Variants in ISL1 observed in about 807,000 individuals in gnomAD.
ISL1 encodes insulin gene enhancer protein ISL-1.
A neutral mutation model predicts 35.3 loss-of-function variants in ISL1; 4 were observed. The ratio of observed to expected loss-of-function variants is 0.11; its 90% confidence interval spans 0.06 to 0.26. The LOEUF (loss-of-function observed/expected upper bound fraction) is 0.26. Ranked by LOEUF, ISL1 falls within the 10% of genes least tolerant of loss-of-function variation. The probability of loss-of-function intolerance (pLI) is 1.00; values close to 1 mark genes in which losing one functional copy is unlikely to be tolerated. For missense variants in ISL1, 340 were observed against 472.8 expected, an observed-to-expected ratio of 0.72 and a Z score of 2.60; for synonymous variants, 186 against 172.3, an observed-to-expected ratio of 1.08 and a Z score of -0.62.
At chr5:51,392,334 C>T (rs1379774111) in intron 5 of ISL1, among the ~76,000 whole-genome samples, 1 of 152,040 alleles carries the variant, frequency 6.6e-6, no homozygotes, top group Non-Finnish European at 1.5e-5. Context: ...AGTAATCAGC[C>T]TTATAGAATC....
Position 51,383,531 on chromosome 5 carries a change from GCCGAGC to G in ISL1, c.-140_-135del. The G allele has an allele frequency of 1.3e-6, 1 of 788,384 alleles. No individual in the cohort carries two copies. Among genetic ancestry groups the G allele is most frequent in the South Asian group, 1.4e-5 (1 of 71,514 alleles). 48.8% of individuals were successfully genotyped at this position (788,384 alleles called of 1,614,324 possible). A position where few individuals can be genotyped will look rare whatever the true frequency, so the allele number is the denominator to read the frequency against. On this transcript the variant is annotated 5_prime_UTR_variant, in exon 1 of 6. Coordinates refer to ENST00000230658, the MANE Select transcript of ISL1 (RefSeq NM_002202.3). Reference sequence around the variant, plus strand: ...CCTAGATCCGCGAGGGCGCGGCGCAGCCGAGCAGCGGCTCTTTCAGCATTGGCAACC... The same window carrying G: ...CCTAGATCCGCGAGGGCGCGGCGCAGAGCGGCTCTTTCAGCATTGGCAACC...
chr5:51,383,899 T>C (rs1747274370), intron 1 of ISL1, among the ~76,000 whole-genome samples, 200 bp downstream of exon 1: 1 of 152,272 alleles, frequency 6.6e-6, no homozygotes, highest in South Asian at 2.1e-4. Context: ...TTGTACCTTG[T>C]GTGTGAATTC....
At chr5:51,390,366 G>T (rs1232139977) in intron 4 of ISL1, among the ~76,000 whole-genome samples, 2 of 152,158 alleles carry the variant, frequency 1.3e-5, no homozygotes, top group Non-Finnish European at 1.5e-5. Context: ...ACATCCAGGG[G>T]TTCCGTGGGC....
Position 51,387,521 on chromosome 5 carries a change from A to T in ISL1, c.250A>T (p.Ile84Phe). Residue 84 changes from isoleucine to phenylalanine, a missense_variant, in exon 3 of 6, where the codon ATC (isoleucine) becomes TTC (phenylalanine). By Grantham distance (21) the Ile-to-Phe change is conservative. Transcript: ENST00000230658. This position sits in a 1 kb window ranked among gnomAD's most constrained non-coding sequence, Gnocchi z 4.3. Reference protein sequence around the residue: ...LYGIKCAKCSIGFSKNDFVMR... With the variant: ...LYGIKCAKCSFGFSKNDFVMR... ...CGGGATCAAATGCGCCAAGTGCAGC[A>T]TCGGCTTCAGCAAGAACGACTTCGT... The T allele has an allele frequency of 1.2e-6, 2 of 1,614,176 alleles. No homozygotes were observed. Among genetic ancestry groups the T allele is most frequent in the East Asian group, 2.2e-5 (1 of 44,870 alleles).
At chr5:51,391,123 A>G in intron 4 of ISL1, 151 bp from the exon 5 acceptor site, 1 of 719,460 alleles carries the variant, frequency 1.4e-6, no homozygotes, top group African/African-American at 1.8e-5. Flanking sequence ...ATTCTAACTA[A>G]TATCCGTAGG....
At chr5:51,391,221 G>A (rs1747505783) in intron 4 of ISL1, 53 bp from the exon 5 acceptor site, 1 of 1,588,628 alleles carries the variant, frequency 6.3e-7, no homozygotes, top group African/African-American at 1.3e-5. Context: ...GACAACGGAG[G>A]GAGGGAATTT....
intron 5 of ISL1, 141 bp downstream of exon 5, chr5:51,391,582 G>A: frequency 1.1e-6 from 1 of 890,326 alleles, no homozygotes; most frequent in East Asian, 2.6e-5. Context: ...GGGTAATGAA[G>A]AGAAGGGAGA....
rs1408087481 is a variant in ISL1 at position 51,383,584 on chromosome 5, T to C, written c.-88T>C. ...AACCCCAGGGGCCAATATTTCCCAC[T>C]TAGCCACAGCTCCAGCATCCTCTCT... On this transcript the variant is annotated 5_prime_UTR_variant, in exon 1 of 6. Transcript: ENST00000230658. 2.6e-6 allele frequency: 3 copies of C among 1,152,920 alleles called. No individual in the cohort carries two copies. Among genetic ancestry groups the C allele is most frequent in the Non-Finnish European group, 4.0e-6 (3 of 758,820 alleles). The allele number at this position is 1,152,920 out of a possible 1,614,324, so 71.4% of individuals were successfully genotyped here.
At chr5:51,386,917 CTTGT>C (rs1468417115) in intron 2 of ISL1, among the ~76,000 whole-genome samples, 8 of 152,124 alleles carry the variant, frequency 5.3e-5, no homozygotes, top group Non-Finnish European at 8.8e-5. Flanking sequence ...TGTTATTCTG[CTTGT>C]TTATTTGTGA....
chr5:51,388,691 A>G (rs1675350830), intron 3 of ISL1, among the ~76,000 whole-genome samples: 1 of 152,230 alleles, frequency 6.6e-6, no homozygotes, highest in African/African-American at 2.4e-5. Flanking sequence ...ACTGAAGGTG[A>G]GGAAACTATA....
At position 51,387,605 on chromosome 5, in the gene ISL1, C is replaced by T. The variant is rs769362903; in HGVS notation, c.334C>T (p.Arg112Cys). The change falls in exon 3 of 6, where the codon CGC becomes TGC. Residue 112 changes from arginine to cysteine, a missense_variant. This residue lies in a region of ISL1 where 94 missense variants were observed against 102.1 expected (regional missense o/e 0.92). Coordinates refer to ENST00000230658, the MANE Select transcript of ISL1 (RefSeq NM_002202.3). The surrounding 1 kb of genome is among the most constrained non-coding windows in gnomAD (Gnocchi z 4.3). ...IECFRCVACS[R>C]QLIPGDEFAL... ...GTGTTTCCGCTGTGTGGCCTGCAGC[C>T]GCCAGCTCATCCCTGGGGACGAATT... 5 of 1,614,120 alleles carry T rather than the reference C, an allele frequency of 3.1e-6. No homozygotes were observed. The highest frequency in any genetic ancestry group is 2.2e-5 in the South Asian group (2 of 91,092).
intron 2 of ISL1, 70 bp downstream of exon 2, chr5:51,384,800 T>G: frequency 1.4e-6 from 2 of 1,421,034 alleles, no homozygotes; most frequent in Non-Finnish European, 2.0e-6. Flanking sequence ...TATGTATTAT[T>G]TGGTGTGGCT....
At position 51,391,264 on chromosome 5, in the gene ISL1, C is replaced by T. The variant is rs202190389; in HGVS notation, c.766-10C>T. On this transcript the variant is annotated splice_polypyrimidine_tract_variant and intron_variant, in intron 4 of 5. Transcript: ENST00000230658. ...AACATGTTGGGATTGGTTGGGGGGC[C>T]TATTCACAGAATATCCAGGGGATGA... The T allele has an allele frequency of 8.8e-5, 142 of 1,611,728 alleles. No homozygotes were observed. The highest frequency in any genetic ancestry group is 1.1e-4 in the Non-Finnish European group (135 of 1,179,632).
intron 3 of ISL1, among the ~76,000 whole-genome samples, chr5:51,388,126 G>A (rs1277497578): frequency 6.6e-6 from 1 of 152,230 alleles, no homozygotes; most frequent in African/African-American, 2.4e-5. Flanking sequence ...CTAATTAAAG[G>A]GGCGGAGCCC....
At chr5:51,391,567 G>T in intron 5 of ISL1, 126 bp downstream of exon 5, 1 of 1,054,384 alleles carries the variant, frequency 9.5e-7, no homozygotes. Flanking sequence ...AGAAACCAAG[G>T]AGGTGGGTAA....
rs1747265001 is a variant in ISL1 at position 51,383,583 on chromosome 5, C to T, written c.-89C>T. 2.6e-6 allele frequency: 3 copies of T among 1,144,820 alleles called. No individual in the cohort carries two copies. Among genetic ancestry groups the T allele is most frequent in the African/African-American group, 3.0e-5 (2 of 65,898 alleles). The allele number at this position is 1,144,820 out of a possible 1,614,324, so 70.9% of individuals were successfully genotyped here. On this transcript the variant is annotated 5_prime_UTR_variant, in exon 1 of 6. Transcript: ENST00000230658. Reference sequence around the variant, plus strand: ...CAACCCCAGGGGCCAATATTTCCCACTTAGCCACAGCTCCAGCATCCTCTC... The same window carrying T: ...CAACCCCAGGGGCCAATATTTCCCATTTAGCCACAGCTCCAGCATCCTCTC...
intron 5 of ISL1, 101 bp downstream of exon 5, chr5:51,391,542 G>T: frequency 1.4e-6 from 2 of 1,388,804 alleles, no homozygotes; most frequent in Non-Finnish European, 2.0e-6. Flanking sequence ...TGCCTTCTTG[G>T]GCTCAGGGTT....
chr5:51,390,717 G>A (rs1236495151), intron 4 of ISL1, among the ~76,000 whole-genome samples: 1 of 109,532 alleles, frequency 9.1e-6, no homozygotes, highest in Non-Finnish European at 1.7e-5. Flanking sequence ...CATAAAATCT[G>A]CTGTCATTAA....
intron 4 of ISL1, 52 bp from the exon 5 acceptor site, chr5:51,391,222 G>A: frequency 6.3e-7 from 1 of 1,591,140 alleles, no homozygotes; most frequent in East Asian, 2.2e-5. Context: ...ACAACGGAGG[G>A]AGGGAATTTG....
Sources: allele counts gnomAD v4.1 joint callset (sites outside exome capture counted in the v4.1 genomes callset), GRCh38; gene constraint gnomAD v4.1.1; regional missense constraint gnomAD v4.1.1; non-coding constraint Gnocchi (gnomAD v3.1); transcripts MANE v1.5; gene names NCBI Gene and HGNC (gene_info 2026-07-23, HGNC 2026-07-21).